Variants in PTPRD observed in about 807,000 individuals in gnomAD.
PTPRD encodes receptor-type tyrosine-protein phosphatase delta.
PTPRD carries 34 observed loss-of-function variants against 214.5 expected under a neutral mutation model. That is an observed-to-expected ratio of 0.16 (90% CI 0.12 to 0.21). PTPRD has a LOEUF of 0.21. PTPRD is among the 10% of genes least tolerant of loss of function. PTPRD has a pLI of 1.00. For synonymous variants in PTPRD, 1,128 were observed against 845.7 expected, an observed-to-expected ratio of 1.33 and a Z score of -5.79; for missense variants, 2,545 against 2,398.7, an observed-to-expected ratio of 1.06 and a Z score of -1.27.
intron 39 of PTPRD, among the ~76,000 whole-genome samples, chr9:8,357,965 T>G (rs532773393): frequency 1.3e-5 from 2 of 152,332 alleles, no homozygotes; most frequent in African/African-American, 2.4e-5. Flanking sequence ...AAACCAATAC[T>G]TCTTGGTCTT....
intron 2 of PTPRD, among the ~76,000 whole-genome samples, chr9:10,487,252 C>A (rs1325085866): frequency 1.3e-5 from 2 of 151,878 alleles, no homozygotes; most frequent in African/African-American, 4.8e-5. Context: ...TCCATTTGAC[C>A]ACTCTGTTTT....
At chr9:9,225,718 G>A (rs1163237608) in intron 9 of PTPRD, among the ~76,000 whole-genome samples, 1 of 152,002 alleles carries the variant, frequency 6.6e-6, no homozygotes, top group African/African-American at 2.4e-5. Flanking sequence ...ACAGGAAGAT[G>A]GAAAAAGAAG....
intron 3 of PTPRD, among the ~76,000 whole-genome samples, chr9:10,110,751 A>G (rs986424329): frequency 2.0e-5 from 3 of 152,198 alleles, no homozygotes; most frequent in African/African-American, 7.2e-5. Flanking sequence ...TAATACAGAA[A>G]TAGCTCCTGG....
rs560313858 is a variant in PTPRD at position 9,420,829 on chromosome 9, A to C, written c.-236-23347T>G. Among the ~76,000 whole-genome samples, 328 of 152,098 alleles carry C rather than the reference A, an allele frequency of 2.2e-3. 3 individuals are homozygous for C. The highest frequency in any genetic ancestry group is 3.3e-3 in the Non-Finnish European group (223 of 67,886). ...CAAGTCACCAAATAGCAGTGATTTC[A>C]CTTATGTATCTATATATTTGTAAAG... On this transcript the variant is annotated intron_variant, in intron 8 of 45. Transcript: ENST00000381196.
chr9:9,952,505 C>T (rs1349432219), intron 4 of PTPRD, among the ~76,000 whole-genome samples: 1 of 152,082 alleles, frequency 6.6e-6, no homozygotes, highest in African/African-American at 2.4e-5. Context: ...AGGCCAACAT[C>T]GTTCATTGCA....
intron 7 of PTPRD, among the ~76,000 whole-genome samples, chr9:9,674,593 A>T (rs1417475856): frequency 2.6e-5 from 4 of 151,788 alleles, no homozygotes; most frequent in African/African-American, 9.7e-5. Context: ...AAAGAGAAAG[A>T]TTAAAACTAC....
chr9:8,554,663 T>A (rs1003333957), intron 14 of PTPRD, among the ~76,000 whole-genome samples: 24 of 152,184 alleles, frequency 1.6e-4, no homozygotes, highest in Admixed American at 1.1e-3. Context: ...AGAAATACAA[T>A]TTTATAATGG....
chr9:9,984,798 A>G (rs1291766067), intron 4 of PTPRD, among the ~76,000 whole-genome samples: 2 of 152,066 alleles, frequency 1.3e-5, no homozygotes, highest in Non-Finnish European at 2.9e-5. Flanking sequence ...GAGGCCTGGA[A>G]TACCCAGTGT....
Position 9,911,527 on chromosome 9 carries a change from G to T in PTPRD, c.-368+26980C>A, listed in dbSNP as rs1200773785. On this transcript the variant is annotated intron_variant, in intron 5 of 45. Transcript: ENST00000381196. ...AAATTACCATACACAGAGTTATACT[G>T]CTAAAATAAAATGCAGTGTAAAATT... Among the ~76,000 whole-genome samples, 3 of 149,834 alleles carry T rather than the reference G, an allele frequency of 2.0e-5. No individual in the cohort carries two copies. The East Asian group carries it at 5.9e-4, about 29-fold the overall frequency.
chr9:10,233,933 A>T (rs2099620617), intron 3 of PTPRD, among the ~76,000 whole-genome samples: 1 of 151,886 alleles, frequency 6.6e-6, no homozygotes. Context: ...GCCCATGTGC[A>T]TTCTTCTAAT....
chr9:10,479,186 G>A (rs1312433454), intron 2 of PTPRD, among the ~76,000 whole-genome samples: 2 of 152,012 alleles, frequency 1.3e-5, no homozygotes, highest in African/African-American at 4.8e-5. Context: ...AAGAAATAAT[G>A]GCACAGAATT....
chr9:9,085,566 T>G (rs2099765883), intron 10 of PTPRD, among the ~76,000 whole-genome samples: 1 of 151,982 alleles, frequency 6.6e-6, no homozygotes, highest in African/African-American at 2.4e-5. Context: ...CTCTTATAAA[T>G]AGACAAATAA....
chr9:9,642,130 T>C (rs1056844812), intron 7 of PTPRD, among the ~76,000 whole-genome samples: 42 of 146,714 alleles, frequency 2.9e-4, no homozygotes, highest in Admixed American at 2.6e-3. Context: ...ATGGATGAAA[T>C]TGGAAATCAT....
chr9:9,669,334 C>T (rs1000381467), intron 7 of PTPRD, among the ~76,000 whole-genome samples: 1 of 152,006 alleles, frequency 6.6e-6, no homozygotes, highest in Non-Finnish European at 1.5e-5. Flanking sequence ...GCATCTTGTT[C>T]CTGATTGGTA....
intron 11 of PTPRD, among the ~76,000 whole-genome samples, chr9:8,747,791 G>A (rs1019561935): frequency 1.6e-4 from 25 of 152,132 alleles, no homozygotes; most frequent in Admixed American, 1.6e-3. Flanking sequence ...GCACCCATCA[G>A]ATGGCCAAAT....
At chr9:10,196,663 C>T (rs1479171849) in intron 3 of PTPRD, among the ~76,000 whole-genome samples, 1 of 152,152 alleles carries the variant, frequency 6.6e-6, no homozygotes, top group African/African-American at 2.4e-5. Context: ...TTCAACCCTA[C>T]AGTCTGAATA....
intron 14 of PTPRD, among the ~76,000 whole-genome samples, chr9:8,630,073 G>C (rs1373362957): frequency 6.6e-6 from 1 of 151,826 alleles, no homozygotes; most frequent in Non-Finnish European, 1.5e-5. Context: ...AGTAGCTTGT[G>C]TGAGATAAAT....
chr9:9,895,607 T>A (rs1601316929), intron 5 of PTPRD, among the ~76,000 whole-genome samples: 1 of 151,972 alleles, frequency 6.6e-6, no homozygotes, highest in East Asian at 1.9e-4. Context: ...GAGGGAGGGT[T>A]TGGAAAATGA....
In PTPRD at chr9:9,110,950, C is replaced by G. The variant is rs893030539; in HGVS notation, c.-143+72354G>C. Among the ~76,000 whole-genome samples, 5 of 152,184 alleles carry G rather than the reference C, an allele frequency of 3.3e-5. No homozygotes were observed. In the East Asian group the frequency reaches 9.7e-4, roughly 29 times the overall value. On this transcript the variant is annotated intron_variant, in intron 10 of 45. Transcript: ENST00000381196. ...ACAGAGACTGTATGGCCCACAATAT[C>G]TAAATTAATCTTTACTATCTGGTCC...
Sources: gnomAD v4.1 joint callset for allele counts (sites outside exome capture counted in the v4.1 genomes callset) on GRCh38, gnomAD v4.1.1 for gene constraint, MANE v1.5 for transcripts, NCBI Gene and HGNC (gene_info 2026-07-23, HGNC 2026-07-21) for gene names.